MECOM: variants seen among roughly 807,000 people sequenced by gnomAD.
The protein encoded by MECOM is MDS1 and EVI1 complex locus.
In MECOM, 13 loss-of-function variants were observed where a neutral mutation model predicts 116.3. The ratio of observed to expected loss-of-function variants is 0.11; its 90% confidence interval spans 0.07 to 0.18. The LOEUF is 0.18. Ranked by LOEUF, MECOM falls within the 10% of genes least tolerant of loss-of-function variation. The pLI is 1.00. For synonymous variants in MECOM, 528 were observed against 535.2 expected, an observed-to-expected ratio of 0.99 and a Z score of 0.19; for missense variants, 1,299 against 1,509.0, an observed-to-expected ratio of 0.86 and a Z score of 2.31.
chr3:169,249,451 G>A (rs930022780), intron 2 of MECOM, among the ~76,000 whole-genome samples: 4 of 152,156 alleles, frequency 2.6e-5, no homozygotes, highest in Admixed American at 6.6e-5. Context: ...CTTGGCTCCC[G>A]GTCCAAGGCA....
intron 2 of MECOM, among the ~76,000 whole-genome samples, chr3:169,189,835 G>C (rs1747286920): frequency 6.6e-6 from 1 of 151,984 alleles, no homozygotes; most frequent in African/African-American, 2.4e-5. Context: ...CCTTCGCCTT[G>C]TTTCTAACTA....
intron 2 of MECOM, among the ~76,000 whole-genome samples, chr3:169,355,429 AACT>A (rs1441709387): frequency 1.3e-5 from 2 of 151,938 alleles, no homozygotes; most frequent in African/African-American, 4.8e-5. Context: ...AATTTGTGGA[AACT>A]AGGATTGCAA....
chr3:169,381,556 T>C (rs774324727), intron 1 of MECOM, 32 bp from the exon 2 acceptor site: 1 of 1,492,698 alleles, frequency 6.7e-7, no homozygotes, highest in Non-Finnish European at 9.0e-7. Context: ...ATGAATTCCT[T>C]CTGATATTGA....
chr3:169,351,591 C>T (rs889916004), intron 2 of MECOM, among the ~76,000 whole-genome samples: 1 of 151,840 alleles, frequency 6.6e-6, no homozygotes, highest in Non-Finnish European at 1.5e-5. Context: ...AATTACAAAG[C>T]TGATAACGGT....
rs972466998 is a variant in MECOM at position 169,594,895 on chromosome 3, A to C, written c.37+68441T>G. Among the ~76,000 whole-genome samples the C allele has an allele frequency of 2.0e-5, 3 of 151,228 alleles. No homozygotes were observed. In the East Asian group the frequency reaches 6.1e-4, roughly 31 times the overall value. ...ATCTAACTGAAAAAAAAAAAAACAAAAAAAAAACTGGATCTATATTCTAAA... is the reference window on the plus strand; with the variant it reads ...ATCTAACTGAAAAAAAAAAAAACAACAAAAAAACTGGATCTATATTCTAAA... On this transcript the variant is annotated intron_variant, in intron 1 of 16. Coordinates refer to ENST00000651503, the MANE Select transcript of MECOM (RefSeq NM_004991.4).
chr3:169,222,290 G>T (rs140235866), intron 2 of MECOM, among the ~76,000 whole-genome samples: 1 of 152,324 alleles, frequency 6.6e-6, no homozygotes, highest in African/African-American at 2.4e-5. Context: ...CATTAGCAGA[G>T]ATTCAGAATT....
intron 1 of MECOM, among the ~76,000 whole-genome samples, chr3:169,645,166 A>G (rs1198783395): frequency 6.6e-6 from 1 of 152,234 alleles, no homozygotes; most frequent in African/African-American, 2.4e-5. Context: ...GAAGTCTGTG[A>G]CTGATAGCAT....
intron 2 of MECOM, chr3:169,145,880 T>C (rs1739748309): frequency 4.6e-6 from 1 of 215,124 alleles, no homozygotes; most frequent in South Asian, 1.9e-4. Flanking sequence ...TAATCTGTTA[T>C]ACGATTATTC....
At position 169,131,470 on chromosome 3, in the gene MECOM, C is replaced by A; in HGVS notation, c.572G>T (p.Ser191Ile). The A allele has an allele frequency of 6.2e-7, 1 of 1,614,030 alleles. No homozygotes were observed. The highest frequency in any genetic ancestry group is 1.7e-5 in the Admixed American group (1 of 59,954). The change falls in exon 4 of 17, where the codon AGC (serine) becomes ATC (isoleucine). Residue 191 changes from serine to isoleucine, a missense_variant. This residue lies in a region of MECOM where 374 missense variants were observed against 433.4 expected (regional missense o/e 0.86). Transcript: ENST00000651503. ...PGEELLLFMK[S>I]EDYPHETMAP... Reference sequence around the variant, plus strand: ...CATAGTTTCATGGGGATAGTCTTCGCTCTTCATGAACAGCAGAAGCTCCTC... The same window carrying A: ...CATAGTTTCATGGGGATAGTCTTCGATCTTCATGAACAGCAGAAGCTCCTC...
chr3:169,288,770 C>T (rs184402936), intron 2 of MECOM, among the ~76,000 whole-genome samples: 115 of 152,060 alleles, frequency 7.6e-4, no homozygotes, highest in Non-Finnish European at 1.3e-3. Flanking sequence ...TTAGGTGTTC[C>T]GTCAGTATTT....
chr3:169,253,809 T>G (rs1756536037), intron 2 of MECOM, among the ~76,000 whole-genome samples: 2 of 152,008 alleles, frequency 1.3e-5, no homozygotes, highest in Admixed American at 1.3e-4. Context: ...AGTAATGAAA[T>G]GATCTACCCT....
At chr3:169,458,430 C>T (rs1312106878) in intron 1 of MECOM, among the ~76,000 whole-genome samples, 1 of 152,188 alleles carries the variant, frequency 6.6e-6, no homozygotes, top group Non-Finnish European at 1.5e-5. Flanking sequence ...CCAACAGCGC[C>T]GAGATATAAA....
chr3:169,144,877 T>G, intron 2 of MECOM: 1 of 735,992 alleles, frequency 1.4e-6, no homozygotes, highest in South Asian at 1.7e-5. Context: ...CTCCTACAGA[T>G]CTCTGCTGTA....
chr3:169,166,503 A>G (rs1361975185), intron 2 of MECOM, among the ~76,000 whole-genome samples: 2 of 152,242 alleles, frequency 1.3e-5, no homozygotes, highest in Non-Finnish European at 2.9e-5. Context: ...TAATACATCT[A>G]TGTACTTATT....
chr3:169,181,103 A>G (rs929467641), intron 2 of MECOM, among the ~76,000 whole-genome samples: 6 of 152,146 alleles, frequency 3.9e-5, no homozygotes, highest in African/African-American at 1.4e-4. Context: ...ATTATTAATC[A>G]CACTTTATAT....
chr3:169,380,571 C>T (rs1732228961), intron 2 of MECOM, among the ~76,000 whole-genome samples: 1 of 152,012 alleles, frequency 6.6e-6, no homozygotes, highest in African/African-American at 2.4e-5. Context: ...ATTTTCACAA[C>T]CATTTTGTGC....
At chr3:169,492,725 G>T (rs1310561751) in intron 1 of MECOM, among the ~76,000 whole-genome samples, 1 of 152,128 alleles carries the variant, frequency 6.6e-6, no homozygotes, top group Non-Finnish European at 1.5e-5. Flanking sequence ...ACTTTGGGAG[G>T]CCGAGGCGGG....
chr3:169,326,910 A>C (rs954299531), intron 2 of MECOM, among the ~76,000 whole-genome samples: 2 of 152,202 alleles, frequency 1.3e-5, no homozygotes, highest in African/African-American at 4.8e-5. Flanking sequence ...GGTATATTTT[A>C]TCTCCTTCTA....
At chr3:169,658,814 AGGTTCTCCATCTCACCGCCCGCTTCCAGC>A (rs2110118751) in intron 1 of MECOM, among the ~76,000 whole-genome samples, 1 of 152,260 alleles carries the variant, frequency 6.6e-6, no homozygotes, top group African/African-American at 2.4e-5. Context: ...TGACAAGTCA[AGGTTCTCCATCTCACCGCCCGCTTCCAGC>A]GGAGGCAACG....
Sources: allele counts gnomAD v4.1 joint callset (sites outside exome capture counted in the v4.1 genomes callset), GRCh38; gene constraint gnomAD v4.1.1; regional missense constraint gnomAD v4.1.1; transcripts MANE v1.5; gene names NCBI Gene and HGNC (gene_info 2026-07-23, HGNC 2026-07-21).